Variants in KIAA0513 observed in about 807,000 individuals in gnomAD.
The protein encoded by KIAA0513 is KIAA0513.
KIAA0513 carries 39 observed loss-of-function variants against 56.5 expected under a neutral mutation model. The observed-to-expected ratio is 0.69, with a 90% CI of 0.53 to 0.90. The LOEUF is 0.90. KIAA0513 is among the 40% of genes least tolerant of loss of function. KIAA0513 has a pLI of 0.00. For missense variants in KIAA0513, 591 were observed against 535.2 expected (o/e 1.10, Z -1.03); for synonymous variants, 268 against 215.6 (o/e 1.24, Z -2.13).
At chr16:85,046,947 C>CA (rs1272606829) in intron 1 of KIAA0513, among the ~76,000 whole-genome samples, 5 of 152,174 alleles carry the variant, frequency 3.3e-5, no homozygotes, top group African/African-American at 4.8e-5. Flanking sequence ...TGTTGATCAT[C>CA]TTTTCCCATG....
intron 1 of KIAA0513, among the ~76,000 whole-genome samples, chr16:85,056,292 G>T (rs929464900): frequency 6.6e-6 from 1 of 152,228 alleles, no homozygotes; most frequent in South Asian, 2.1e-4. Flanking sequence ...CGTTAGAAAA[G>T]CCCGCCTTTC....
At chr16:85,066,158 T>C (rs1361406707) in intron 1 of KIAA0513, among the ~76,000 whole-genome samples, 1 of 152,090 alleles carries the variant, frequency 6.6e-6, no homozygotes, top group African/African-American at 2.4e-5. Context: ...GTCATTCATG[T>C]TGAATAGGAG....
chr16:85,071,529 G>T (rs2073573686), intron 2 of KIAA0513, among the ~76,000 whole-genome samples: 1 of 152,166 alleles, frequency 6.6e-6, no homozygotes, highest in Non-Finnish European at 1.5e-5. Flanking sequence ...AACCAGGAAG[G>T]CTGGATGGAA....
At chr16:85,052,594 A>G (rs141344686) in intron 1 of KIAA0513, among the ~76,000 whole-genome samples, 3 of 152,308 alleles carry the variant, frequency 2.0e-5, no homozygotes, top group Non-Finnish European at 4.4e-5. Context: ...CAGGATAGCA[A>G]TGAGTATAGA....
chr16:85,073,054 G>A, intron 4 of KIAA0513, 56 bp downstream of exon 4: 1 of 1,410,276 alleles, frequency 7.1e-7, no homozygotes, highest in Non-Finnish European at 1.0e-6. Flanking sequence ...TTCCCTCCCT[G>A]CCTCCCTCCC....
chr16:85,070,187 A>AAAAAAAAG (rs1555523564), intron 2 of KIAA0513, among the ~76,000 whole-genome samples: 6 of 147,564 alleles, frequency 4.1e-5, no homozygotes, highest in Admixed American at 1.4e-4. Flanking sequence ...AAAAAAAGAA[A>AAAAAAAAG]AAAGAAAGAA....
intron 1 of KIAA0513, among the ~76,000 whole-genome samples, chr16:85,043,526 C>G (rs1400484079): frequency 1.3e-5 from 2 of 151,244 alleles, no homozygotes; most frequent in Non-Finnish European, 2.9e-5. Context: ...ATTCTCATGC[C>G]ACAGCCTCTT....
chr16:85,050,410 C>T (rs8063262), intron 1 of KIAA0513, among the ~76,000 whole-genome samples: 59,442 of 149,492 alleles, frequency 0.4, 13,176 homozygotes, highest in African/African-American at 0.6. Context: ...AGTGCAGTGG[C>T]GCAATCTCGG....
At chr16:85,058,378 A>G (rs2073358505) in intron 1 of KIAA0513, among the ~76,000 whole-genome samples, 1 of 152,168 alleles carries the variant, frequency 6.6e-6, no homozygotes, top group Admixed American at 6.5e-5. Context: ...TTTTGGCCGG[A>G]CGCGTTGGCT....
At position 85,046,021 on chromosome 16, in the gene KIAA0513, C is replaced by T. The variant is rs568602189; in HGVS notation, c.-173+18163C>T. Among the ~76,000 whole-genome samples, 11 of 152,242 alleles carry T rather than the reference C, an allele frequency of 7.2e-5. No individual in the cohort carries two copies. In the South Asian group the frequency reaches 2.1e-3, roughly 29 times the overall value. On this transcript the variant is annotated intron_variant, in intron 1 of 12. Transcript: ENST00000683363. ...ACAGGAAATGTCGCAGGGGGTGGGT[C>T]GTGCCACAGCCCCTGGAAACGAGCC...
intron 1 of KIAA0513, among the ~76,000 whole-genome samples, chr16:85,066,637 CG>C (rs1597623118): frequency 6.6e-6 from 1 of 152,142 alleles, no homozygotes; most frequent in East Asian, 1.9e-4. Context: ...GGGGCTGGAG[CG>C]GGGAGGAGGC....
chr16:85,080,466 A>C (rs1259524852), intron 8 of KIAA0513, among the ~76,000 whole-genome samples: 1 of 152,182 alleles, frequency 6.6e-6, no homozygotes. Context: ...TTCAGCCTAC[A>C]CACCATCGTT....
intron 8 of KIAA0513, among the ~76,000 whole-genome samples, chr16:85,080,708 G>T (rs2073730976): frequency 6.6e-6 from 1 of 152,174 alleles, no homozygotes. Context: ...GCAGGAGAAT[G>T]CTTGAACCTG....
intron 8 of KIAA0513, among the ~76,000 whole-genome samples, chr16:85,080,754 T>C (rs970294221): frequency 6.6e-6 from 1 of 152,170 alleles, no homozygotes; most frequent in African/African-American, 2.4e-5. Flanking sequence ...GATTGTGCCA[T>C]TGAACTCCAG....
intron 1 of KIAA0513, among the ~76,000 whole-genome samples, chr16:85,034,488 G>A (rs1237393579): frequency 6.6e-6 from 1 of 152,184 alleles, no homozygotes; most frequent in Non-Finnish European, 1.5e-5. Context: ...GTAAATGTGG[G>A]GCAAGAGTGT....
chr16:85,048,590 T>G (rs1431327771), intron 1 of KIAA0513, among the ~76,000 whole-genome samples: 1 of 152,154 alleles, frequency 6.6e-6, no homozygotes, highest in African/African-American at 2.4e-5. Context: ...GTTAAAAGAC[T>G]TTCTGAAGCT....
intron 6 of KIAA0513, among the ~76,000 whole-genome samples, chr16:85,078,142 A>G (rs1567543487): frequency 6.6e-6 from 1 of 152,128 alleles, no homozygotes; most frequent in Non-Finnish European, 1.5e-5. Flanking sequence ...GTTCCCACTC[A>G]TGGCTGGGCC....
chr16:85,037,220 G>A (rs146404746), intron 1 of KIAA0513, among the ~76,000 whole-genome samples: 39 of 152,096 alleles, frequency 2.6e-4, no homozygotes, highest in Middle Eastern at 6.8e-3. Context: ...ACAGCCAGGC[G>A]TGACTCACAA....
chr16:85,053,416 G>A (rs1170988228), intron 1 of KIAA0513, among the ~76,000 whole-genome samples: 2 of 152,152 alleles, frequency 1.3e-5, no homozygotes, highest in Non-Finnish European at 2.9e-5. Context: ...GTATCTCTTG[G>A]TTTTATGTTC....
Sources: allele counts gnomAD v4.1 joint callset (sites outside exome capture counted in the v4.1 genomes callset), GRCh38; gene constraint gnomAD v4.1.1; transcripts MANE v1.5; gene names NCBI Gene and HGNC (gene_info 2026-07-23, HGNC 2026-07-21).